NARS2: variants seen among roughly 807,000 people sequenced by gnomAD.
NARS2 encodes the protein asparaginyl-tRNA synthetase.
In NARS2, 60 loss-of-function variants were observed where a neutral mutation model predicts 62.9. That is an observed-to-expected ratio of 0.95 (90% CI 0.77 to 1.18). The LOEUF (loss-of-function observed/expected upper bound fraction) is 1.18. NARS2 is among the 50% of genes most tolerant of loss of function. The pLI, the probability that NARS2 is intolerant of heterozygous loss-of-function variation, is 0.00. For missense variants in NARS2, 619 were observed against 576.4 expected, an observed-to-expected ratio of 1.07 and a Z score of -0.76; for synonymous variants, 196 against 200.0, an observed-to-expected ratio of 0.98 and a Z score of 0.17.
At chr11:78,521,476 G>A (rs965307543) in intron 6 of NARS2, among the ~76,000 whole-genome samples, 5 of 152,032 alleles carry the variant, frequency 3.3e-5, no homozygotes, top group African/African-American at 1.2e-4. Context: ...CCAGGCCTGT[G>A]TCATCTTTAA....
rs148799817 is a variant in NARS2 at position 78,442,819 on chromosome 11, G to C, written c.1262+842C>G. Among the ~76,000 whole-genome samples, 340 of 152,208 alleles carry C rather than the reference G, an allele frequency of 2.2e-3. 4 individuals carry two copies. Among genetic ancestry groups the C allele is most frequent in the African/African-American group, 7.9e-3 (327 of 41,526 alleles). On this transcript the variant is annotated intron_variant, in intron 12 of 13. Coordinates refer to ENST00000281038, the MANE Select transcript of NARS2 (RefSeq NM_024678.6). Reference sequence around the variant, plus strand: ...AGATTTGTTTCCCAGTTCTCAAACAGCAAGTTAGAATAAAGTTATTCAAAT... The same window carrying C: ...AGATTTGTTTCCCAGTTCTCAAACACCAAGTTAGAATAAAGTTATTCAAAT...
At chr11:78,503,047 C>A (rs1173087676) in intron 6 of NARS2, among the ~76,000 whole-genome samples, 2 of 149,718 alleles carry the variant, frequency 1.3e-5, no homozygotes, top group Non-Finnish European at 3.0e-5. Context: ...GCACTTTACA[C>A]ACATTTCATT....
intron 5 of NARS2, among the ~76,000 whole-genome samples, chr11:78,534,384 A>G (rs1590824985): frequency 6.6e-6 from 1 of 152,194 alleles, no homozygotes; most frequent in South Asian, 2.1e-4. Flanking sequence ...TACGGATCAC[A>G]TGGTTCATAC....
intron 6 of NARS2, among the ~76,000 whole-genome samples, chr11:78,499,312 CTTTT>C (rs980144306): frequency 6.6e-6 from 1 of 152,012 alleles, no homozygotes; most frequent in Non-Finnish European, 1.5e-5. Flanking sequence ...CCAAATTGCA[CTTTT>C]TTTAAGAGAT....
chr11:78,466,637 T>C (rs1858635280), intron 10 of NARS2, among the ~76,000 whole-genome samples: 1 of 152,096 alleles, frequency 6.6e-6, no homozygotes, highest in South Asian at 2.1e-4. Flanking sequence ...CCCGCCACCA[T>C]GCCCGGCTAT....
intron 13 of NARS2, among the ~76,000 whole-genome samples, chr11:78,437,458 G>A (rs1857442655): frequency 6.6e-6 from 1 of 152,082 alleles, no homozygotes; most frequent in African/African-American, 2.4e-5. Context: ...AAGATGCCCA[G>A]AGTCATTTAG....
At chr11:78,493,038 G>C (rs369006930) in intron 7 of NARS2, 25 bp downstream of exon 7, 2 of 1,558,076 alleles carry the variant, frequency 1.3e-6, no homozygotes, top group South Asian at 2.3e-5. Context: ...ACAGATACCT[G>C]GTATTTTAAA....
chr11:78,448,963 CAT>C (rs1488561129), intron 11 of NARS2, among the ~76,000 whole-genome samples: 2 of 151,726 alleles, frequency 1.3e-5, no homozygotes, highest in South Asian at 2.1e-4. Flanking sequence ...ATAAAAGACT[CAT>C]ATTTATTTTG....
At chr11:78,544,018 C>CAAAAAAAAA (rs10688131) in intron 5 of NARS2, among the ~76,000 whole-genome samples, 1 of 73,922 alleles carries the variant, frequency 1.4e-5, no homozygotes, top group Non-Finnish European at 2.3e-5. Context: ...GACTCTGTCT[C>CAAAAAAAAA]AAAAAAAAAA....
chr11:78,494,237 C>G (rs1859956650), intron 6 of NARS2, among the ~76,000 whole-genome samples: 1 of 152,104 alleles, frequency 6.6e-6, no homozygotes, highest in African/African-American at 2.4e-5. Flanking sequence ...ACATTCAAAC[C>G]AAGTAACAGC....
At position 78,436,061 on chromosome 11, in the gene NARS2, TGTA is replaced by T. The variant is rs1436978724; in HGVS notation, c.*606_*608del. The stretch of plus-strand genomic sequence containing the variant: ...GTGATTAAAGAGTTGAAATACTTAA[TGTA>T]ATATCTCAACAGCTTTGAAAATTGA... On this transcript the variant is annotated 3_prime_UTR_variant, in exon 14 of 14. Transcript: ENST00000281038. The T allele has an allele frequency of 1.3e-5, 2 of 152,238 alleles. No homozygotes were observed. The highest frequency in any genetic ancestry group is 4.8e-5 in the African/African-American group (2 of 41,458). 9.4% of individuals were successfully genotyped at this position (152,238 alleles called of 1,614,324 possible).
intron 7 of NARS2, among the ~76,000 whole-genome samples, chr11:78,483,153 A>G (rs1420611472): frequency 6.6e-6 from 1 of 152,194 alleles, no homozygotes; most frequent in African/African-American, 2.4e-5. Context: ...TGATTACCTC[A>G]ACAGACGCAG....
chr11:78,461,602 TAAAAAAA>T (rs59664343), intron 11 of NARS2, among the ~76,000 whole-genome samples: 34 of 64,078 alleles, frequency 5.3e-4, no homozygotes, highest in African/African-American at 1.5e-3. Flanking sequence ...GCTGTGCTGG[TAAAAAAA>T]AAAAAAAAAA....
chr11:78,483,079 T>C (rs1859427051), intron 7 of NARS2, among the ~76,000 whole-genome samples: 1 of 152,052 alleles, frequency 6.6e-6, no homozygotes, highest in African/African-American at 2.4e-5. Flanking sequence ...GCAAGGCGGG[T>C]TCAACATACA....
At chr11:78,552,030 C>T (rs953096616) in intron 5 of NARS2, among the ~76,000 whole-genome samples, 29 of 152,248 alleles carry the variant, frequency 1.9e-4, no homozygotes, top group African/African-American at 7.0e-4. Flanking sequence ...TTTGGGGATA[C>T]ATGTGAAGGT....
At chr11:78,444,333 ATTG>A (rs2135142937) in intron 11 of NARS2, among the ~76,000 whole-genome samples, 1 of 152,262 alleles carries the variant, frequency 6.6e-6, no homozygotes, top group Non-Finnish European at 1.5e-5. Context: ...AATTTGTAGT[ATTG>A]TTATTAGGAC....
intron 5 of NARS2, among the ~76,000 whole-genome samples, chr11:78,551,261 T>C (rs1856096147): frequency 6.6e-6 from 1 of 152,164 alleles, no homozygotes; most frequent in Non-Finnish European, 1.5e-5. Context: ...TGTGCGAACA[T>C]CACGGAGTCT....
intron 6 of NARS2, among the ~76,000 whole-genome samples, chr11:78,506,793 C>T (rs777619223): frequency 5.9e-5 from 9 of 152,230 alleles, no homozygotes; most frequent in Non-Finnish European, 1.0e-4. Flanking sequence ...CCTGCCTCAG[C>T]CTCCGACAGT....
chr11:78,515,123 A>G (rs1004888693), intron 6 of NARS2, among the ~76,000 whole-genome samples: 2 of 152,230 alleles, frequency 1.3e-5, no homozygotes, highest in Non-Finnish European at 2.9e-5. Context: ...GCTGCAGCAG[A>G]AAATTAGTGA....
Sources: allele counts gnomAD v4.1 joint callset (sites outside exome capture counted in the v4.1 genomes callset), GRCh38; gene constraint gnomAD v4.1.1; transcripts MANE v1.5; gene names NCBI Gene and HGNC (gene_info 2026-07-23, HGNC 2026-07-21).